The following AFF1 variants were observed in gnomAD, a reference collection of about 807,000 sequenced individuals.
AFF1 encodes the protein ALF transcription elongation factor 1, also known as AF4/FMR2 family member 1.
Under a neutral mutation model 121.7 loss-of-function variants are expected in AFF1, and 48 were observed. The ratio of observed to expected loss-of-function variants is 0.39; its 90% CI spans 0.31 to 0.50. The LOEUF is 0.50. Ranked by LOEUF, AFF1 falls within the 20% of genes least tolerant of loss-of-function variation. AFF1 has a pLI of 0.76. For missense variants in AFF1, 1,523 were observed against 1,511.7 expected (o/e 1.01, Z -0.12); for synonymous variants, 613 against 563.0 (o/e 1.09, Z -1.26).
rs534688853 is a variant in AFF1 at position 87,017,320 on chromosome 4, T to C, written c.39-28846T>C. On this transcript the variant is annotated intron_variant, in intron 2 of 20. Coordinates refer to ENST00000395146, the MANE Select transcript of AFF1 (RefSeq NM_001166693.3). ...AGTAGTGGTTCTGAGATCTGATCAA[T>C]TTTGCATTTGATTATTAGAAAATTA... Among the ~76,000 whole-genome samples the C allele has an allele frequency of 1.0e-3, 155 of 152,260 alleles. 1 individual carries two copies. The highest frequency in any genetic ancestry group is 3.6e-3 in the African/African-American group (150 of 41,566).
chr4:86,992,076 C>T (rs1724774156), intron 2 of AFF1, among the ~76,000 whole-genome samples: 1 of 152,046 alleles, frequency 6.6e-6, no homozygotes, highest in Non-Finnish European at 1.5e-5. Context: ...TTTCCAAAGG[C>T]TTGTAAAAAG....
intron 2 of AFF1, among the ~76,000 whole-genome samples, chr4:87,030,007 G>T (rs565094990): frequency 6.6e-6 from 1 of 152,280 alleles, no homozygotes; most frequent in Non-Finnish European, 1.5e-5. Context: ...GATAAGAATG[G>T]AGATTTTAAT....
intron 2 of AFF1, among the ~76,000 whole-genome samples, chr4:86,964,739 A>G (rs1469100362): frequency 6.6e-6 from 1 of 152,146 alleles, no homozygotes. Flanking sequence ...CGGCTGTTAT[A>G]TACATCCTTC....
At chr4:86,942,205 A>G (rs754864149) in intron 1 of AFF1, among the ~76,000 whole-genome samples, 6 of 152,226 alleles carry the variant, frequency 3.9e-5, no homozygotes, top group Non-Finnish European at 5.9e-5. Flanking sequence ...GTTTGTTCCA[A>G]GAAACTTTTG....
chr4:86,985,418 G>GGAGA (rs1578900270), intron 2 of AFF1, among the ~76,000 whole-genome samples: 1 of 150,742 alleles, frequency 6.6e-6, no homozygotes, highest in East Asian at 1.9e-4. Flanking sequence ...GCCTGAGACA[G>GGAGA]GAGAATTGCT....
At chr4:87,123,346 T>C (rs1328452423) in intron 12 of AFF1, among the ~76,000 whole-genome samples, 1 of 152,198 alleles carries the variant, frequency 6.6e-6, no homozygotes, top group Non-Finnish European at 1.5e-5. Flanking sequence ...ACTAACACCA[T>C]TCAAGTTCAG....
chr4:86,963,089 C>A (rs1179659205), intron 2 of AFF1, among the ~76,000 whole-genome samples: 1 of 147,442 alleles, frequency 6.8e-6, no homozygotes, highest in Non-Finnish European at 1.5e-5. Flanking sequence ...TTGCTCGAAC[C>A]TGGGAGGCAG....
intron 2 of AFF1, among the ~76,000 whole-genome samples, chr4:87,031,053 G>A (rs1031711912): frequency 2.6e-5 from 4 of 152,160 alleles, no homozygotes; most frequent in African/African-American, 4.8e-5. Flanking sequence ...CCCACAGGCC[G>A]TTGTCTGGGG....
chr4:86,939,281 T>A (rs1261940533), intron 1 of AFF1, among the ~76,000 whole-genome samples: 3 of 146,942 alleles, frequency 2.0e-5, no homozygotes, highest in Non-Finnish European at 4.6e-5. Flanking sequence ...AGAAGTTAAG[T>A]GACTTGACTC....
At chr4:87,134,325 A>T in intron 19 of AFF1, 146 bp from the exon 20 acceptor site, 1 of 734,966 alleles carries the variant, frequency 1.4e-6, no homozygotes, top group South Asian at 1.9e-5. Flanking sequence ...TTGACCTTGT[A>T]GGAGTGACTT....
At position 87,114,509 on chromosome 4, in the gene AFF1, C is replaced by T. The variant is rs758659008; in HGVS notation, c.1676C>T (p.Thr559Met). The T allele has an allele frequency of 1.5e-5, 24 of 1,613,450 alleles. No individual in the cohort carries two copies. In the Admixed American group the frequency reaches 1.5e-4, roughly 10 times the overall value. Residue 559 changes from threonine (T) to methionine (M), a missense_variant, in exon 12 of 21, where the codon ACG (threonine) becomes ATG (methionine). Thr to Met is a moderately conservative substitution (Grantham distance 81, BLOSUM62 -1). Coordinates refer to ENST00000395146, the MANE Select transcript of AFF1 (RefSeq NM_001166693.3). ...PESKGSSDSA[T>M]SQEHSESKDP... Reference sequence around the variant, plus strand: ...AGTAAGGGCAGCAGCGACAGTGCCACGAGTCAGGAGCATTCTGAATCCAAA... The same window carrying T: ...AGTAAGGGCAGCAGCGACAGTGCCATGAGTCAGGAGCATTCTGAATCCAAA...
rs560990156 is a variant in AFF1 at position 87,052,810 on chromosome 4, G to A, written c.1059+5216G>A. Among the ~76,000 whole-genome samples, 13 of 152,054 alleles carry A rather than the reference G, an allele frequency of 8.5e-5. No homozygotes were observed. The East Asian group carries it at 2.3e-3, about 27-fold the overall frequency. On this transcript the variant is annotated intron_variant, in intron 4 of 20. Transcript: ENST00000395146. ...AGTGGACAAGTTCTGGATCTGTTTG[G>A]CAGGGAACTGATAGGGCTCTGTGAT... is the stretch of plus-strand genomic sequence containing the variant.
chr4:87,134,557 G>A lies in AFF1; in HGVS notation c.3398G>A (p.Ser1133Asn). Residue 1133 changes from serine (S) to asparagine (N), a missense_variant, in exon 20 of 21, where the codon AGC becomes AAC. Ser to Asn is a conservative substitution (Grantham distance 46). Coordinates refer to ENST00000395146, the MANE Select transcript of AFF1 (RefSeq NM_001166693.3). ...GSQSSAGSVGSSGVAATISTP... is the reference protein window; with the variant it reads ...GSQSSAGSVGNSGVAATISTP... ...CAGTCAAGTGCTGGCAGTGTGGGGA[G>A]CAGTGGGGTGGCTGCCACTATCAGC... 1.9e-6 allele frequency: 3 copies of A among 1,614,136 alleles called. No individual in the cohort carries two copies. Among genetic ancestry groups the A allele is most frequent in the Non-Finnish European group, 2.5e-6 (3 of 1,180,020 alleles).
In AFF1 at chr4:87,046,211, A is replaced by G. The variant is rs1488661170; in HGVS notation, c.84A>G (p.Glu28=). The G allele has an allele frequency of 6.2e-7, 1 of 1,614,062 alleles. No homozygotes were observed. Among genetic ancestry groups the G allele is most frequent in the Non-Finnish European group, 8.5e-7 (1 of 1,179,974 alleles). The change falls in exon 3 of 21, where the codon GAA becomes GAG. Residue 28 remains glutamate (E), a synonymous_variant. Coordinates refer to ENST00000395146, the MANE Select transcript of AFF1 (RefSeq NM_001166693.3). ...DRNLLRIREK[E]RRNQEAHQEK... Reference sequence around the variant, plus strand: ...ACCTGCTTCGAATTAGAGAGAAGGAAAGACGCAACCAGGAAGCCCACCAAG... The same window carrying G: ...ACCTGCTTCGAATTAGAGAGAAGGAGAGACGCAACCAGGAAGCCCACCAAG...
chr4:87,001,207 CTTTTT>C (rs34072831), intron 2 of AFF1, among the ~76,000 whole-genome samples: 6 of 60,298 alleles, frequency 1.0e-4, no homozygotes, highest in Admixed American at 3.3e-4. Flanking sequence ...CCTTTTTCTA[CTTTTT>C]TTTTTTTTTT....
intron 2 of AFF1, among the ~76,000 whole-genome samples, chr4:86,962,606 G>A (rs1578855557): frequency 6.6e-6 from 1 of 152,212 alleles, no homozygotes; most frequent in Middle Eastern, 3.4e-3. Context: ...AGGGAAAGCA[G>A]CCTTCCCATG....
At chr4:86,984,955 G>A (rs1724088858) in intron 2 of AFF1, among the ~76,000 whole-genome samples, 1 of 151,180 alleles carries the variant, frequency 6.6e-6, no homozygotes. Flanking sequence ...ATCTTAAAGT[G>A]TTCTCAGCAA....
chr4:87,132,206 G>C (rs1202375252), intron 18 of AFF1, 65 bp from the exon 19 acceptor site: 1 of 1,568,882 alleles, frequency 6.4e-7, no homozygotes, highest in African/African-American at 1.4e-5. Context: ...GCTATAAAAG[G>C]TTAGATGGCT....
chr4:87,023,675 G>A (rs1388883902), intron 2 of AFF1, among the ~76,000 whole-genome samples: 1 of 152,246 alleles, frequency 6.6e-6, no homozygotes, highest in East Asian at 1.9e-4. Flanking sequence ...GGAAAATCAT[G>A]TGATGAAGGT....
Sources: gnomAD v4.1 joint callset for allele counts (sites outside exome capture counted in the v4.1 genomes callset) on GRCh38, gnomAD v4.1.1 for gene constraint, MANE v1.5 for transcripts, NCBI Gene and HGNC (gene_info 2026-07-23, HGNC 2026-07-21) for gene names.